The following ACLY variants were observed in gnomAD, a reference collection of about 807,000 sequenced individuals.
ACLY encodes ATP-citrate synthase.
Under a neutral mutation model 133.0 loss-of-function variants are expected in ACLY, and 41 were observed. That is an observed-to-expected ratio of 0.31 (90% confidence interval 0.24 to 0.40). The LOEUF is 0.40. Ranked by LOEUF, ACLY falls within the 10% of genes least tolerant of loss-of-function variation. The pLI, the probability that ACLY is intolerant of heterozygous loss-of-function variation, is 1.00. For synonymous variants in ACLY, 495 were observed against 549.3 expected (o/e 0.90, Z 1.38); for missense variants, 1,046 against 1,453.8 (o/e 0.72, Z 4.56).
chr17:41,922,370 C>CA (rs1164362085), upstream of ACLY, among the ~76,000 whole-genome samples: 2,500 of 30,888 alleles, frequency 0.081, 212 homozygotes, highest in African/African-American at 0.21. Context: ...CAGAGCGAGA[C>CA]AAAAAAAAAA....
upstream of ACLY, among the ~76,000 whole-genome samples, chr17:41,922,675 T>C (rs566207592): frequency 7.2e-5 from 11 of 152,350 alleles, no homozygotes; most frequent in South Asian, 1.0e-3. Context: ...ATTTTCTTCA[T>C]TGCTGTATTT....
upstream of ACLY, among the ~76,000 whole-genome samples, chr17:41,920,889 T>C (rs1555635338): frequency 2.6e-5 from 4 of 152,066 alleles, no homozygotes; most frequent in Non-Finnish European, 5.9e-5. Context: ...GGTGAAACCC[T>C]GTTTCTACTA....
At chr17:41,880,853 G>A (rs1240520183) in intron 20 of ACLY, among the ~76,000 whole-genome samples, 10 of 150,306 alleles carry the variant, frequency 6.7e-5, no homozygotes, top group African/African-American at 2.4e-4. Context: ...GCGACAGAGC[G>A]AGACTCCGTC....
chr17:41,909,428 C>T (rs2049828423), intron 5 of ACLY, 82 bp downstream of exon 5: 1 of 1,479,416 alleles, frequency 6.8e-7, no homozygotes. Flanking sequence ...GAGGAGACCG[C>T]TCTGCTCTCC....
chr17:41,900,069 CAAAAAAAAAA>C (rs60296550), intron 11 of ACLY, among the ~76,000 whole-genome samples: 14 of 46,616 alleles, frequency 3.0e-4, no homozygotes, highest in South Asian at 1.5e-3. Context: ...ACCCTGTCTC[CAAAAAAAAAA>C]AAAAAAAAAA....
At position 41,892,414 on chromosome 17, in the gene ACLY, G is replaced by A. The variant is rs782535413; in HGVS notation, c.1635C>T (p.His545=). 1 of 1,613,814 alleles carries A rather than the reference G, an allele frequency of 6.2e-7. No homozygotes were observed. The highest frequency in any genetic ancestry group is 8.5e-7 in the Non-Finnish European group (1 of 1,179,944). The change falls in exon 16 of 29, where the codon CAC becomes CAT. Residue 545 remains histidine (H), a synonymous_variant. Coordinates refer to ENST00000352035, the MANE Select transcript of ACLY (RefSeq NM_001096.3). ...TGAAGACAGGGATCAGGATCTCTTT[G>A]TGCCCCCAGTAAAACTTCTGCTTGT... The part of the protein sequence containing the change: ...GDHKQKFYWG[H]KEILIPVFKN...
At chr17:41,923,469 T>C (rs542291382), upstream of ACLY, among the ~76,000 whole-genome samples, 4 of 152,368 alleles carry the variant, frequency 2.6e-5, no homozygotes, top group African/African-American at 9.6e-5. Flanking sequence ...TCATTTTGCC[T>C]ATGATCAACT....
chr17:41,910,160 C>T (rs1222347757), intron 4 of ACLY, 62 bp downstream of exon 4: 10 of 1,512,532 alleles, frequency 6.6e-6, no homozygotes, highest in South Asian at 2.3e-5. Context: ...CCTCAGGTTA[C>T]GGTGGACAAA....
chr17:41,892,948 G>A, intron 15 of ACLY, 85 bp downstream of exon 15: 1 of 1,527,318 alleles, frequency 6.5e-7, no homozygotes, highest in Non-Finnish European at 8.9e-7. Context: ...CAAAGCGCTA[G>A]GATTACAGGC....
Position 41,910,228 on chromosome 17 carries a change from G to A in ACLY, c.339C>T (p.His113=), listed in dbSNP as rs143596516. 7 of 1,613,558 alleles carry A rather than the reference G, an allele frequency of 4.3e-6. No individual in the cohort carries two copies. In the African/African-American group the frequency reaches 8.0e-5, roughly 18 times the overall value. Residue 113 remains histidine, a synonymous_variant, in exon 4 of 29, where the codon CAC becomes CAT. Transcript: ENST00000352035. ...GGAGCCGCCTCACACATACCTGACTGTGGGGGACGAAGGGCTCGATCAGAA... is the reference window on the plus strand; with the variant it reads ...GGAGCCGCCTCACACATACCTGACTATGGGGGACGAAGGGCTCGATCAGAA... ...KNFLIEPFVP[H]SQAEEFYVCI... is the part of the protein sequence containing the mutation.
intron 16 of ACLY, among the ~76,000 whole-genome samples, chr17:41,890,981 AT>A (rs1475151172): frequency 6.6e-6 from 1 of 152,096 alleles, no homozygotes; most frequent in Non-Finnish European, 1.5e-5. Context: ...AAAAAAAAAA[AT>A]AAATAAATAC....
chr17:41,878,136 G>C lies in ACLY; in HGVS notation c.2454C>G (p.Pro818=), dbSNP rs1184608308. The C allele has an allele frequency of 6.3e-7, 1 of 1,591,342 alleles. No individual in the cohort carries two copies. The highest frequency in any genetic ancestry group is 1.4e-5 in the African/African-American group (1 of 73,226). The part of the protein sequence containing the change: ...GVIVPAQEVP[P]PTVPMDYSWA... Reference sequence around the variant, plus strand: ...AGGAGTAGTCCATGGGCACGGTTGGGGGCGGCACCTCCTGGGCAGGTACAA... The same window carrying C: ...AGGAGTAGTCCATGGGCACGGTTGGCGGCGGCACCTCCTGGGCAGGTACAA... Residue 818 remains proline, a synonymous_variant, in exon 22 of 29, where the codon CCC becomes CCG. Coordinates refer to ENST00000352035, the MANE Select transcript of ACLY (RefSeq NM_001096.3).
intron 5 of ACLY, 62 bp from the exon 6 acceptor site, chr17:41,909,130 GGCGCCCCGCAGCAATCTCTCA>G: frequency 7.6e-7 from 1 of 1,321,558 alleles, no homozygotes; most frequent in Non-Finnish European, 1.1e-6. Context: ...CAGCACCCCA[GGCGCCCCGCAGCAATCTCTCA>G]CTGCCACCGA....
intron 16 of ACLY, among the ~76,000 whole-genome samples, chr17:41,891,205 T>C (rs1353046130): frequency 6.6e-6 from 1 of 152,048 alleles, no homozygotes; most frequent in Non-Finnish European, 1.5e-5. Context: ...CTAATCCTTT[T>C]TTAAGTACAG....
In ACLY at chr17:41,868,973, C is replaced by G. The variant is rs57530105; in HGVS notation, c.3134+70G>C. 7.9e-4 allele frequency: 1,155 copies of G among 1,456,382 alleles called. 36 individuals carry two copies. The East Asian group carries it at 0.026, about 32-fold the overall frequency. 90.2% of individuals were successfully genotyped at this position (1,456,382 alleles called of 1,614,324 possible). A position where few individuals can be genotyped will look rare whatever the true frequency, so the allele number is the denominator to read the frequency against. On this transcript the variant is annotated intron_variant, in intron 27 of 28. Coordinates refer to ENST00000352035, the MANE Select transcript of ACLY (RefSeq NM_001096.3). ...AATATTCTATTATGAGTATGCATTACTTTTATAGTTTGGAGGAAACAACAA... is the reference window on the plus strand; with the variant it reads ...AATATTCTATTATGAGTATGCATTAGTTTTATAGTTTGGAGGAAACAACAA...
chr17:41,898,761 T>C lies in ACLY; in HGVS notation c.1208A>G (p.His403Arg), dbSNP rs782118893. 12 of 1,613,878 alleles carry C rather than the reference T, an allele frequency of 7.4e-6. No homozygotes were observed. In the South Asian group the frequency reaches 1.3e-4, roughly 18 times the overall value. Residue 403 changes from histidine (H) to arginine (R), a missense_variant, in exon 12 of 29, where the codon CAT becomes CGT. Around this residue, in one of 4 missense-constraint regions of ACLY, gnomAD observed 575 missense variants for 804.2 expected, o/e 0.71. Coordinates refer to ENST00000352035, the MANE Select transcript of ACLY (RefSeq NM_001096.3). ...CATGTGAGTCTCTGTGCCAAAGACATGGATGGGGATCCCAGTGGTCTTCCC... is the reference window on the plus strand; with the variant it reads ...CATGTGAGTCTCTGTGCCAAAGACACGGATGGGGATCCCAGTGGTCTTCCC... Reference protein sequence around the residue: ...EVGKTTGIPIHVFGTETHMTA... With the variant: ...EVGKTTGIPIRVFGTETHMTA...
chr17:41,916,693 GTCTC>G (rs2050061293), intron 1 of ACLY, among the ~76,000 whole-genome samples: 1 of 151,842 alleles, frequency 6.6e-6, no homozygotes, highest in African/African-American at 2.4e-5. Context: ...AGGTCTTAAA[GTCTC>G]TCTAAGGCAG....
intron 16 of ACLY, among the ~76,000 whole-genome samples, chr17:41,888,262 C>G (rs1296075416): frequency 9.2e-5 from 14 of 152,226 alleles, no homozygotes; most frequent in Non-Finnish European, 1.8e-4. Context: ...TCTCCACTAG[C>G]TAACACCACA....
chr17:41,915,036 C>T (rs1023955663), intron 1 of ACLY, among the ~76,000 whole-genome samples: 38 of 152,128 alleles, frequency 2.5e-4, no homozygotes, highest in African/African-American at 8.9e-4. Flanking sequence ...ACCCAAGACT[C>T]GAACCCAAAC....
Sources: allele counts gnomAD v4.1 joint callset (sites outside exome capture counted in the v4.1 genomes callset), GRCh38; gene constraint gnomAD v4.1.1; regional missense constraint gnomAD v4.1.1; transcripts MANE v1.5; gene names NCBI Gene and HGNC (gene_info 2026-07-23, HGNC 2026-07-21).